The following SFMBT2 variants were observed in gnomAD, a reference collection of about 807,000 sequenced individuals.
SFMBT2 encodes Scm like with four mbt domains 2, also known as scm-like with four MBT domains protein 2.
Under a neutral mutation model 110.1 loss-of-function variants are expected in SFMBT2, and 38 were observed. The ratio of observed to expected loss-of-function variants is 0.35; its 90% CI spans 0.27 to 0.45. SFMBT2 has a LOEUF of 0.45. Among genes scored for constraint, SFMBT2 ranks in the 20% least tolerant of loss-of-function variants. The pLI, the probability that SFMBT2 is intolerant of heterozygous loss-of-function variation, is 1.00. For missense variants in SFMBT2, 1,011 were observed against 1,094.9 expected (o/e 0.92, Z 1.08); for synonymous variants, 425 against 425.4 (o/e 1.00, Z 0.01).
At chr10:7,315,097 AAAG>A (rs1368509275) in intron 4 of SFMBT2, among the ~76,000 whole-genome samples, 36 of 147,446 alleles carry the variant, frequency 2.4e-4, no homozygotes, top group Non-Finnish European at 4.0e-4. Flanking sequence ...AGAAAGAAAG[AAAG>A]AAAGAAAGAA....
chr10:7,348,315 G>A, intron 4 of SFMBT2: 2 of 1,530,676 alleles, frequency 1.3e-6, no homozygotes, highest in Non-Finnish European at 8.8e-7. Context: ...AGAAGCTGAT[G>A]GCTTGACATC....
At chr10:7,214,769 G>T in intron 11 of SFMBT2, 1 of 985,280 alleles carries the variant, frequency 1.0e-6, no homozygotes, top group Non-Finnish European at 1.2e-6. Flanking sequence ...CCTGTAGGGT[G>T]TGTTTTGTCA....
intron 4 of SFMBT2, among the ~76,000 whole-genome samples, chr10:7,329,829 A>G (rs1843511975): frequency 6.6e-6 from 1 of 151,948 alleles, no homozygotes; most frequent in South Asian, 2.1e-4. Context: ...ACCTTCTCTC[A>G]CTCAGCCTTG....
At chr10:7,205,701 A>G in intron 12 of SFMBT2, 114 bp downstream of exon 12, 1 of 1,429,830 alleles carries the variant, frequency 7.0e-7, no homozygotes, top group Non-Finnish European at 9.2e-7. Flanking sequence ...TTGGTGGAAA[A>G]TCAAAAATCT....
intron 2 of SFMBT2, among the ~76,000 whole-genome samples, chr10:7,374,252 A>T (rs999173315): frequency 6.6e-6 from 1 of 151,940 alleles, no homozygotes; most frequent in Non-Finnish European, 1.5e-5. Context: ...ACAGAGCGAG[A>T]CTCCATCTCA....
chr10:7,205,102 T>C, intron 12 of SFMBT2: 1 of 265,212 alleles, frequency 3.8e-6, no homozygotes, highest in Non-Finnish European at 5.8e-6. Flanking sequence ...TGAGACAGAG[T>C]CTCACCCTGT....
At position 7,270,698 on chromosome 10, in the gene SFMBT2, G is replaced by C. The variant is rs143291197; in HGVS notation, c.870+6194C>G. Among the ~76,000 whole-genome samples the C allele has an allele frequency of 7.4e-3, 1,133 of 152,268 alleles. 11 individuals carry two copies. Among genetic ancestry groups the C allele is most frequent in the African/African-American group, 0.026 (1,081 of 41,552 alleles). The stretch of plus-strand genomic sequence containing the variant: ...TTATGCACAAAATACTGAATAAGAT[G>C]ATAATGCTCACATACCCTACCAAAA... On this transcript the variant is annotated intron_variant, in intron 7 of 20. Transcript: ENST00000397167.
rs373709864 is a variant in SFMBT2, at chr10:7,367,689, C to T, written c.396G>A (p.Gly132=). The T allele has an allele frequency of 6.2e-7, 1 of 1,613,748 alleles. No homozygotes were observed. Among genetic ancestry groups the T allele is most frequent in the Non-Finnish European group, 8.5e-7 (1 of 1,180,040 alleles). The change falls in exon 4 of 21, where the codon GGG becomes GGA. Residue 132 remains glycine (G), a synonymous_variant. Transcript: ENST00000397167. The surrounding 1 kb of genome is among the most constrained non-coding windows in gnomAD (Gnocchi z 6.2). ...DVVIADLHPV[G]WCTQNNKVLM... ...ACACCTTGTTGTTCTGTGTGCACCA[C>T]CCCACGGGGTGCAAATCCGCGATGA...
At chr10:7,323,301 G>T (rs1843255847) in intron 4 of SFMBT2, among the ~76,000 whole-genome samples, 1 of 151,666 alleles carries the variant, frequency 6.6e-6, no homozygotes, top group African/African-American at 2.4e-5. Flanking sequence ...AATACAAAAA[G>T]TTAGCCAGGT....
At chr10:7,282,204 A>G (rs1189708413) in intron 6 of SFMBT2, among the ~76,000 whole-genome samples, 1 of 152,244 alleles carries the variant, frequency 6.6e-6, no homozygotes, top group Non-Finnish European at 1.5e-5. Context: ...TTCATATATT[A>G]TAAAGACCCC....
chr10:7,166,414 C>T (rs1837696058), intron 20 of SFMBT2, among the ~76,000 whole-genome samples: 1 of 152,228 alleles, frequency 6.6e-6, no homozygotes, highest in African/African-American at 2.4e-5. Context: ...GTAACTCTTT[C>T]TTTACAGAAA....
rs530424273 is a variant in SFMBT2, at chr10:7,172,125, C to A, written c.2185G>T (p.Asp729Tyr). 1.3e-6 allele frequency: 2 copies of A among 1,574,124 alleles called. No individual in the cohort carries two copies. The highest frequency in any genetic ancestry group is 2.3e-5 in the East Asian group (1 of 44,188). ...CCGGTCTCCTCACTGGCGGTGTCAT[C>A]GTCCATGGCGTCAGCGTCCTCCTCT... The part of the protein sequence containing the change: ...SEEEDADAMD[D>Y]DTASEETGSE... The change falls in exon 19 of 21, where the codon GAT (aspartate) becomes TAT (tyrosine). Residue 729 changes from aspartate to tyrosine, a missense_variant. This residue lies in a region of SFMBT2 where 979 missense variants were observed against 1,016.1 expected (regional missense o/e 0.96). Coordinates refer to ENST00000397167, the MANE Select transcript of SFMBT2 (RefSeq NM_001387889.1). The surrounding 1 kb of genome is among the most constrained non-coding windows in gnomAD (Gnocchi z 4.6).
chr10:7,343,813 T>C lies in SFMBT2; in HGVS notation c.436+23836A>G, dbSNP rs544008699. On this transcript the variant is annotated intron_variant, in intron 4 of 20. Coordinates refer to ENST00000397167, the MANE Select transcript of SFMBT2 (RefSeq NM_001387889.1). ...ACTTAGAAGCAAACCGTTAAGACCA[T>C]GGGGACTTTGGGTTTGAGGGGGCAG... Among the ~76,000 whole-genome samples, 7 of 152,296 alleles carry C rather than the reference T, an allele frequency of 4.6e-5. No individual in the cohort carries two copies. In the East Asian group the frequency reaches 9.6e-4, roughly 21 times the overall value.
chr10:7,327,478 C>T (rs1843423848), intron 4 of SFMBT2, among the ~76,000 whole-genome samples: 2 of 152,092 alleles, frequency 1.3e-5, no homozygotes, highest in Non-Finnish European at 2.9e-5. Context: ...GTCAGGAGTT[C>T]AAGGCCAGCC....
chr10:7,347,974 C>T (rs1265262921), intron 4 of SFMBT2, among the ~76,000 whole-genome samples: 1 of 152,158 alleles, frequency 6.6e-6, no homozygotes, highest in Non-Finnish European at 1.5e-5. Context: ...GATGGGCTAA[C>T]AAATTGCACA....
intron 4 of SFMBT2, among the ~76,000 whole-genome samples, chr10:7,309,483 G>A (rs938695822): frequency 1.3e-5 from 2 of 152,164 alleles, no homozygotes; most frequent in African/African-American, 4.8e-5. Flanking sequence ...AGAGGAGGAC[G>A]AGGCCTGACA....
At chr10:7,396,370 T>A (rs1248006685) in intron 1 of SFMBT2, among the ~76,000 whole-genome samples, 1 of 152,192 alleles carries the variant, frequency 6.6e-6, no homozygotes, top group African/African-American at 2.4e-5. Context: ...ACTTTTCTGT[T>A]AGTTGGTCAA....
chr10:7,235,565 TACAG>T (rs1033553660), intron 9 of SFMBT2, among the ~76,000 whole-genome samples: 9 of 150,386 alleles, frequency 6.0e-5, no homozygotes, highest in East Asian at 2.0e-4. Flanking sequence ...AGCACACACA[TACAG>T]ACACATACCA....
At chr10:7,195,407 A>T (rs1031480197) in intron 15 of SFMBT2, among the ~76,000 whole-genome samples, 1 of 152,138 alleles carries the variant, frequency 6.6e-6, no homozygotes, top group Non-Finnish European at 1.5e-5. Context: ...TTTCTCATAT[A>T]TGGAATCTAC....
Sources: gnomAD v4.1 joint callset for allele counts (sites outside exome capture counted in the v4.1 genomes callset) on GRCh38, gnomAD v4.1.1 for gene constraint, gnomAD v4.1.1 regional missense constraint, Gnocchi (gnomAD v3.1) non-coding constraint, MANE v1.5 for transcripts, NCBI Gene and HGNC (gene_info 2026-07-23, HGNC 2026-07-21) for gene names.